PCDHGB3: variants seen among roughly 807,000 people sequenced by gnomAD.
The protein encoded by PCDHGB3 is protocadherin gamma subfamily B, 3.
PCDHGB3 carries 40 observed loss-of-function variants against 59.2 expected under a neutral mutation model. The ratio of observed to expected loss-of-function variants is 0.68; its 90% confidence interval spans 0.52 to 0.88. The LOEUF is 0.88. PCDHGB3 is among the 40% of genes least tolerant of loss of function. PCDHGB3 has a pLI of 0.00. For missense variants in PCDHGB3, 1,309 were observed against 1,187.9 expected (o/e 1.10, Z -1.50); for synonymous variants, 581 against 503.6 (o/e 1.15, Z -2.06).
At chr5:141,388,889 CAT>C in intron 1 of PCDHGB3, 6 of 1,613,954 alleles carry the variant, frequency 3.7e-6, no homozygotes, top group Non-Finnish European at 5.1e-6. Flanking sequence ...AGGTAGAAGT[CAT>C]AGATGAAAAT....
chr5:141,470,113 A>C (rs1209326739), intron 1 of PCDHGB3, among the ~76,000 whole-genome samples: 1 of 152,126 alleles, frequency 6.6e-6, no homozygotes, highest in Non-Finnish European at 1.5e-5. Context: ...TGAGCAACAG[A>C]GCAAGACTTC....
rs377138746 is a variant in PCDHGB3, at chr5:141,432,481, C to A, written c.2415+59672C>A. Reference sequence around the variant, plus strand: ...CCCTCCCCACGGACGGTTCCACTGGCGTGGAGCTGGCTCCCCGCTCCGCAG... The same window carrying A: ...CCCTCCCCACGGACGGTTCCACTGGAGTGGAGCTGGCTCCCCGCTCCGCAG... On this transcript the variant is annotated intron_variant, in intron 1 of 3. Transcript: ENST00000576222. This position sits in a 1 kb window ranked among gnomAD's most constrained non-coding sequence, Gnocchi z 6.0. 6.2e-7 allele frequency: 1 copy of A among 1,614,080 alleles called. No individual in the cohort carries two copies.
At position 141,433,290 on chromosome 5, in the gene PCDHGB3, C is replaced by T. The variant is rs186668064; in HGVS notation, c.2415+60481C>T. ...CTCACTGCAGCCTCAAACTCCTAGG[C>T]TCAAGCAATTATCCCACCTTTGCCT... On this transcript the variant is annotated intron_variant, in intron 1 of 3. Transcript: ENST00000576222. The T allele has an allele frequency of 1.6e-3, 1,738 of 1,107,746 alleles. 60 individuals carry two copies. In the Admixed American group the frequency reaches 0.041, roughly 26 times the overall value. 68.6% of individuals were successfully genotyped at this position (1,107,746 alleles called of 1,614,324 possible). A position where few individuals can be genotyped will look rare whatever the true frequency, so the allele number is the denominator to read the frequency against.
Position 141,370,503 on chromosome 5 carries a change from A to G in PCDHGB3, c.109A>G (p.Ile37Val), listed in dbSNP as rs748568683. Residue 37 changes from isoleucine (I) to valine (V), a missense_variant, in exon 1 of 4, where the codon ATT (isoleucine) becomes GTT (valine). By Grantham distance (29) the Ile-to-Val change is conservative (BLOSUM62 3). Transcript: ENST00000576222. ...TCTCTCCGAACCGATCCGCTACGCT[A>G]TTCCCGAGGAGCTGGACAGGGGCTC... is the stretch of plus-strand genomic sequence containing the variant. ...QALSEPIRYA[I>V]PEELDRGSLV... 2 of 1,613,814 alleles carry G rather than the reference A, an allele frequency of 1.2e-6. No homozygotes were observed. Among genetic ancestry groups the G allele is most frequent in the Non-Finnish European group, 1.7e-6 (2 of 1,179,886 alleles).
Position 141,372,131 on chromosome 5 carries a change from G to C in PCDHGB3, c.1737G>C (p.Pro579=), listed in dbSNP as rs181587030. 2.5e-6 allele frequency: 4 copies of C among 1,613,644 alleles called. No homozygotes were observed. The highest frequency in any genetic ancestry group is 1.3e-5 in the African/African-American group (1 of 75,056). The change falls in exon 1 of 4, where the codon CCG becomes CCC. Residue 579 remains proline (P), a synonymous_variant. Transcript: ENST00000576222. ...GCTCTGCGCTCTTCGATATGGTGCC[G>C]CGCTCTGCAGAGCCTGGCTACCTGG... is the stretch of plus-strand genomic sequence containing the variant. ...PEGSALFDMV[P]RSAEPGYLVT...
In PCDHGB3 at chr5:141,448,679, G is replaced by A. The variant is rs113043083; in HGVS notation, c.2416-46128G>A. On this transcript the variant is annotated intron_variant, in intron 1 of 3. Coordinates refer to ENST00000576222, the MANE Select transcript of PCDHGB3 (RefSeq NM_018924.5). Reference sequence around the variant, plus strand: ...ATATTGGCCGGGCGCGGTGGCTCACGCCTGTAATCGCAGCACTTTGGGAGG... The same window carrying A: ...ATATTGGCCGGGCGCGGTGGCTCACACCTGTAATCGCAGCACTTTGGGAGG... Among the ~76,000 whole-genome samples the A allele has an allele frequency of 8.3e-3, 1,260 of 152,126 alleles. 17 individuals are homozygous for A. Among genetic ancestry groups the A allele is most frequent in the African/African-American group, 0.029 (1,195 of 41,496 alleles).
At chr5:141,384,579 C>T (rs746315101) in intron 1 of PCDHGB3, 13 of 1,614,128 alleles carry the variant, frequency 8.1e-6, no homozygotes, top group African/African-American at 8.0e-5. Flanking sequence ...ACAACCCGCC[C>T]GAGATCCTGT....
chr5:141,411,515 T>A (rs1381474249), intron 1 of PCDHGB3: 1 of 151,910 alleles, frequency 6.6e-6, no homozygotes, highest in East Asian at 1.9e-4. Flanking sequence ...TCCTGGGAGG[T>A]CAAGGTTGCA....
rs1160642304 is a variant in PCDHGB3 at position 141,415,415 on chromosome 5, T to C, written c.2415+42606T>C. 7 of 1,614,084 alleles carry C rather than the reference T, an allele frequency of 4.3e-6. No individual in the cohort carries two copies. In the Admixed American group the frequency reaches 8.3e-5, roughly 19 times the overall value. Reference sequence around the variant, plus strand: ...GTGTCCGGCTCGCACTTTGTGGGCGTGGACGGGGTTCGGGCTTTCCTGCAG... The same window carrying C: ...GTGTCCGGCTCGCACTTTGTGGGCGCGGACGGGGTTCGGGCTTTCCTGCAG... On this transcript the variant is annotated intron_variant, in intron 1 of 3. Coordinates refer to ENST00000576222, the MANE Select transcript of PCDHGB3 (RefSeq NM_018924.5).
intron 1 of PCDHGB3, chr5:141,379,407 A>G (rs750448486): frequency 1.2e-4 from 18 of 152,228 alleles, no homozygotes; most frequent in Admixed American, 2.6e-4. Flanking sequence ...AATCTTGGAT[A>G]TTAGTCTCAT....
intron 1 of PCDHGB3, chr5:141,418,727 C>T: frequency 6.2e-7 from 1 of 1,613,976 alleles, no homozygotes; most frequent in Non-Finnish European, 8.5e-7. Flanking sequence ...CAAAGCTCAG[C>T]ACGTGTTCTC....
At chr5:141,488,546 G>A (rs2099676755) in intron 1 of PCDHGB3, among the ~76,000 whole-genome samples, 1 of 152,188 alleles carries the variant, frequency 6.6e-6, no homozygotes, top group African/African-American at 2.4e-5. Context: ...TCCCATGTCA[G>A]CTGACATTGA....
chr5:141,393,615 G>A (rs1168568292), intron 1 of PCDHGB3: 1 of 1,613,928 alleles, frequency 6.2e-7, no homozygotes, highest in South Asian at 1.1e-5. Context: ...AACAGCCAGC[G>A]ACCCGGATGA....
chr5:141,493,052 T>G lies in PCDHGB3; in HGVS notation c.2416-1755T>G, dbSNP rs1362566525. 6.6e-6 allele frequency among the ~76,000 whole-genome samples: 1 copy of G among 152,104 alleles called. No individual in the cohort carries two copies. The highest frequency in any genetic ancestry group is 2.4e-5 in the African/African-American group (1 of 41,416). Reference sequence around the variant, plus strand: ...CTTATGTGTGAGGAAACTACAATAGTAAAAAACACAAGTTTCTCCAACTCC... The same window carrying G: ...CTTATGTGTGAGGAAACTACAATAGGAAAAAACACAAGTTTCTCCAACTCC... On this transcript the variant is annotated intron_variant, in intron 1 of 3. Coordinates refer to ENST00000576222, the MANE Select transcript of PCDHGB3 (RefSeq NM_018924.5). This position sits in a 1 kb window ranked among gnomAD's most constrained non-coding sequence, Gnocchi z 4.3.
chr5:141,433,076 C>T, intron 1 of PCDHGB3: 1 of 1,614,188 alleles, frequency 6.2e-7, no homozygotes, highest in Non-Finnish European at 8.5e-7. Context: ...CTTCCCCCAG[C>T]CCAACTATGC....
intron 1 of PCDHGB3, chr5:141,415,308 C>T: frequency 6.2e-7 from 1 of 1,614,236 alleles, no homozygotes; most frequent in Non-Finnish European, 8.5e-7. Flanking sequence ...TCCTGGCCTT[C>T]GTCATCGTGC....
At chr5:141,454,993 T>C (rs2098809479) in intron 1 of PCDHGB3, among the ~76,000 whole-genome samples, 1 of 151,290 alleles carries the variant, frequency 6.6e-6, no homozygotes, top group Non-Finnish European at 1.5e-5. Context: ...AAAATATTTT[T>C]AGTAGAGACG....
chr5:141,494,899 C>T, intron 2 of PCDHGB3, 34 bp downstream of exon 2: 1 of 1,614,116 alleles, frequency 6.2e-7, no homozygotes, highest in Non-Finnish European at 8.5e-7. Context: ...ACCCTCTTCT[C>T]TGCGGCATTT....
chr5:141,408,378 T>C lies in PCDHGB3; in HGVS notation c.2415+35569T>C, dbSNP rs1369625426. 28 of 1,613,884 alleles carry C rather than the reference T, an allele frequency of 1.7e-5. No homozygotes were observed. The South Asian group carries it at 3.0e-4, about 17-fold the overall frequency. The stretch of plus-strand genomic sequence containing the variant: ...GCTAAGGATCTAGGGCTCAGTGTCC[T>C]GGATGTGTCGGCTCGCAAGCTGCGA... On this transcript the variant is annotated intron_variant, in intron 1 of 3. Transcript: ENST00000576222.
Sources: gnomAD v4.1 joint callset for allele counts (sites outside exome capture counted in the v4.1 genomes callset) on GRCh38, gnomAD v4.1.1 for gene constraint, Gnocchi (gnomAD v3.1) non-coding constraint, MANE v1.5 for transcripts, NCBI Gene and HGNC (gene_info 2026-07-23, HGNC 2026-07-21) for gene names.